FOXP1: variants seen among roughly 807,000 people sequenced by gnomAD.
FOXP1 encodes the protein forkhead box P1.
Under a neutral mutation model 98.2 loss-of-function variants are expected in FOXP1, and 15 were observed. That is an observed-to-expected ratio of 0.15 (90% confidence interval 0.10 to 0.24). The LOEUF (loss-of-function observed/expected upper bound fraction) is 0.24. FOXP1 is among the 10% of genes least tolerant of loss of function. The pLI is 1.00. For missense variants in FOXP1, 633 were observed against 848.5 expected (o/e 0.75, Z 3.15); for synonymous variants, 371 against 314.5 (o/e 1.18, Z -1.90).
chr3:70,979,293 A>C (rs2038295280), intron 14 of FOXP1, among the ~76,000 whole-genome samples: 1 of 134,976 alleles, frequency 7.4e-6, no homozygotes, highest in African/African-American at 3.0e-5. Flanking sequence ...AAAAAAAAAA[A>C]AAAAAAAAAA....
intron 7 of FOXP1, among the ~76,000 whole-genome samples, chr3:71,100,946 G>A (rs1314334360): frequency 6.6e-6 from 1 of 152,122 alleles, no homozygotes; most frequent in Non-Finnish European, 1.5e-5. Flanking sequence ...CATGGCGTTC[G>A]AGGAGAGGAT....
At chr3:71,283,480 T>G (rs2071781220) in intron 5 of FOXP1, among the ~76,000 whole-genome samples, 1 of 152,182 alleles carries the variant, frequency 6.6e-6, no homozygotes, top group Admixed American at 6.5e-5. Context: ...AGAAGCTTCT[T>G]GGGCTGGAGA....
At chr3:71,121,180 C>G (rs985441628) in intron 6 of FOXP1, among the ~76,000 whole-genome samples, 1 of 151,738 alleles carries the variant, frequency 6.6e-6, no homozygotes, top group African/African-American at 2.4e-5. Flanking sequence ...GAGACATGGA[C>G]AGAGAGAGAT....
intron 4 of FOXP1, among the ~76,000 whole-genome samples, chr3:71,330,713 T>C (rs556954283): frequency 1.3e-5 from 2 of 152,306 alleles, no homozygotes; most frequent in African/African-American, 2.4e-5. Context: ...ATGCAGCCAT[T>C]AAAAATAAGG....
At chr3:71,493,592 T>C (rs2091212312) in intron 2 of FOXP1, 37 bp from the exon 3 acceptor site, 1 of 152,190 alleles carries the variant, frequency 6.6e-6, no homozygotes, top group Non-Finnish European at 1.5e-5. Context: ...ATAACTAAGA[T>C]GTAACTTCTA....
At chr3:71,474,243 A>C (rs2089617989) in intron 3 of FOXP1, among the ~76,000 whole-genome samples, 1 of 152,216 alleles carries the variant, frequency 6.6e-6, no homozygotes, top group African/African-American at 2.4e-5. Context: ...AAAAACCTAA[A>C]CCACATTTAA....
At chr3:71,330,268 A>T (rs1308104732) in intron 4 of FOXP1, among the ~76,000 whole-genome samples, 4 of 152,210 alleles carry the variant, frequency 2.6e-5, no homozygotes, top group Non-Finnish European at 5.9e-5. Flanking sequence ...AGGCACAATG[A>T]TCCCACATTT....
intron 17 of FOXP1, among the ~76,000 whole-genome samples, chr3:70,973,846 C>G (rs1299408663): frequency 8.9e-6 from 1 of 112,104 alleles, no homozygotes; most frequent in Non-Finnish European, 1.9e-5. Context: ...CCCCCCCCCC[C>G]CCACCCCCCA....
At chr3:71,433,028 T>C (rs2084880624) in intron 3 of FOXP1, among the ~76,000 whole-genome samples, 2 of 151,728 alleles carry the variant, frequency 1.3e-5, no homozygotes, top group Admixed American at 6.6e-5. Flanking sequence ...TTGGATCTTT[T>C]GGTGTTAAAA....
At chr3:71,252,861 C>G (rs921937066) in intron 5 of FOXP1, among the ~76,000 whole-genome samples, 1 of 152,228 alleles carries the variant, frequency 6.6e-6, no homozygotes, top group African/African-American at 2.4e-5. Flanking sequence ...CATGTAACAG[C>G]AGACACCTGG....
chr3:71,485,032 G>T (rs1186844938), intron 3 of FOXP1, among the ~76,000 whole-genome samples: 1 of 152,174 alleles, frequency 6.6e-6, no homozygotes, highest in Non-Finnish European at 1.5e-5. Context: ...TAAAGACATT[G>T]TATCTGTATT....
intron 7 of FOXP1, 125 bp downstream of exon 7, chr3:71,112,411 A>G: frequency 3.6e-6 from 3 of 832,902 alleles, no homozygotes; most frequent in South Asian, 1.5e-5. Flanking sequence ...TGGTAAACCA[A>G]AAATGCACTT....
chr3:71,186,095 G>C (rs537697904), intron 6 of FOXP1, among the ~76,000 whole-genome samples: 1 of 152,142 alleles, frequency 6.6e-6, no homozygotes, highest in Non-Finnish European at 1.5e-5. Flanking sequence ...TGAATGCAGG[G>C]TGATACTGAG....
chr3:71,002,039 T>C (rs1182731680), intron 12 of FOXP1, among the ~76,000 whole-genome samples: 1 of 152,202 alleles, frequency 6.6e-6, no homozygotes, highest in Non-Finnish European at 1.5e-5. Context: ...ACAGCTGATT[T>C]TTAAGGCTTC....
chr3:71,079,192 AGAG>A (rs1282160881), intron 7 of FOXP1, among the ~76,000 whole-genome samples: 1 of 152,092 alleles, frequency 6.6e-6, no homozygotes, highest in Non-Finnish European at 1.5e-5. Flanking sequence ...CCTCTAGTCC[AGAG>A]GAGGACAGCA....
intron 10 of FOXP1, among the ~76,000 whole-genome samples, chr3:71,046,432 A>C (rs903173873): frequency 6.6e-6 from 1 of 152,224 alleles, no homozygotes; most frequent in Non-Finnish European, 1.5e-5. Flanking sequence ...AAGGAAACTA[A>C]ACAAAGTTTT....
At chr3:71,122,521 G>A (rs2058850788) in intron 6 of FOXP1, among the ~76,000 whole-genome samples, 2 of 152,142 alleles carry the variant, frequency 1.3e-5, no homozygotes, top group East Asian at 3.9e-4. Context: ...TTTAAGAAAT[G>A]AGGCACATCT....
At chr3:71,206,651 C>T (rs1430249538) in intron 5 of FOXP1, among the ~76,000 whole-genome samples, 1 of 152,194 alleles carries the variant, frequency 6.6e-6, no homozygotes, top group Non-Finnish European at 1.5e-5. Flanking sequence ...AATGCCAAGG[C>T]AGTAAAGTTG....
intron 6 of FOXP1, among the ~76,000 whole-genome samples, chr3:71,118,781 A>G (rs1033967865): frequency 9.2e-5 from 14 of 152,262 alleles, no homozygotes; most frequent in Non-Finnish European, 1.9e-4. Context: ...ATGACATGTG[A>G]AACTTATATG....
Sources: allele counts gnomAD v4.1 joint callset (sites outside exome capture counted in the v4.1 genomes callset), GRCh38; gene constraint gnomAD v4.1.1; transcripts MANE v1.5; gene names NCBI Gene and HGNC (gene_info 2026-07-23, HGNC 2026-07-21).